ZDHHC14: variants seen among roughly 807,000 people sequenced by gnomAD.
ZDHHC14 encodes the protein zDHHC palmitoyltransferase 14.
Under a neutral mutation model 47.7 loss-of-function variants are expected in ZDHHC14, and 16 were observed. The observed-to-expected ratio is 0.34, with a 90% CI of 0.23 to 0.51. The LOEUF is 0.51. ZDHHC14 is among the 20% of genes least tolerant of loss of function. The probability of loss-of-function intolerance (pLI) is 0.97; values close to 1 mark genes in which losing one functional copy is unlikely to be tolerated. For synonymous variants in ZDHHC14, 293 were observed against 278.9 expected (o/e 1.05, Z -0.50); for missense variants, 515 against 662.5 (o/e 0.78, Z 2.44).
At chr6:157,384,668 A>G (rs1194685502) in intron 1 of ZDHHC14, among the ~76,000 whole-genome samples, 11 of 152,230 alleles carry the variant, frequency 7.2e-5, no homozygotes, top group Non-Finnish European at 5.9e-5. Context: ...CGAGCTACAG[A>G]ATATTATGGT....
Position 157,675,176 on chromosome 6 carries a change from C to T in ZDHHC14, c.*2054C>T, listed in dbSNP as rs1778950648. On this transcript the variant is annotated 3_prime_UTR_variant, in exon 9 of 9. Coordinates refer to ENST00000359775, the MANE Select transcript of ZDHHC14 (RefSeq NM_024630.3). Reference sequence around the variant, plus strand: ...GCTCCATGGGTGACCGCGAATCCGGCTTAGCCCTCACTCCGGTCCCACGTG... The same window carrying T: ...GCTCCATGGGTGACCGCGAATCCGGTTTAGCCCTCACTCCGGTCCCACGTG... 6.6e-6 allele frequency: 1 copy of T among 152,240 alleles called. No homozygotes were observed. Among genetic ancestry groups the T allele is most frequent in the African/African-American group, 2.4e-5 (1 of 41,446 alleles). The allele number at this position is 152,240 out of a possible 1,614,324, so 9.4% of individuals were successfully genotyped here.
In ZDHHC14 at chr6:157,677,884, A is replaced by C. The variant is rs1004030914; in HGVS notation, c.*4762A>C. ...AAAAAAAAACGGTTGAAGCCTTGCTAACTTTTTCCCAGAGCATTCTGGGTT... is the reference window on the plus strand; with the variant it reads ...AAAAAAAAACGGTTGAAGCCTTGCTCACTTTTTCCCAGAGCATTCTGGGTT... On this transcript the variant is annotated 3_prime_UTR_variant, in exon 9 of 9. Coordinates refer to ENST00000359775, the MANE Select transcript of ZDHHC14 (RefSeq NM_024630.3). 2.6e-5 allele frequency: 4 copies of C among 151,244 alleles called. No individual in the cohort carries two copies. The highest frequency in any genetic ancestry group is 9.7e-5 in the African/African-American group (4 of 41,200). 9.4% of individuals were successfully genotyped at this position (151,244 alleles called of 1,614,324 possible).
intron 1 of ZDHHC14, among the ~76,000 whole-genome samples, chr6:157,495,763 G>T (rs1780048911): frequency 6.9e-6 from 1 of 145,346 alleles, no homozygotes; most frequent in African/African-American, 2.5e-5. Context: ...GGAGTGCAGT[G>T]GTGTAATCTC....
chr6:157,568,235 T>A (rs1284549464), intron 2 of ZDHHC14, among the ~76,000 whole-genome samples: 2 of 152,172 alleles, frequency 1.3e-5, no homozygotes, highest in Non-Finnish European at 2.9e-5. Context: ...TTTTTCTCAC[T>A]ACAAAGTAAT....
chr6:157,483,562 C>A (rs1452052375), intron 1 of ZDHHC14, among the ~76,000 whole-genome samples: 2 of 152,190 alleles, frequency 1.3e-5, no homozygotes, highest in Non-Finnish European at 2.9e-5. Flanking sequence ...TGATGATGGG[C>A]CTTGCTGAGA....
intron 3 of ZDHHC14, among the ~76,000 whole-genome samples, chr6:157,623,214 A>G (rs1432529379): frequency 6.6e-6 from 1 of 152,098 alleles, no homozygotes; most frequent in African/African-American, 2.4e-5. Flanking sequence ...TGTAGTTCCC[A>G]TAATCCCCAT....
intron 1 of ZDHHC14, among the ~76,000 whole-genome samples, chr6:157,512,208 C>A (rs1409192631): frequency 6.6e-6 from 1 of 152,168 alleles, no homozygotes; most frequent in Non-Finnish European, 1.5e-5. Context: ...AGTCACATGG[C>A]AAGTAAGTGT....
chr6:157,542,701 C>T lies in ZDHHC14; in HGVS notation c.362C>T (p.Pro121Leu). 1 of 1,613,874 alleles carries T rather than the reference C, an allele frequency of 6.2e-7. No homozygotes were observed. Among genetic ancestry groups the T allele is most frequent in the Non-Finnish European group, 8.5e-7 (1 of 1,179,976 alleles). The change falls in exon 2 of 9, where the codon CCA becomes CTA. Residue 121 changes from proline to leucine, a missense_variant. Around this residue, in one of 4 missense-constraint regions of ZDHHC14, gnomAD observed 229 missense variants for 351.5 expected, o/e 0.65. Transcript: ENST00000359775. ...RTSFSDPGVL[P>L]RATPDEAADL... ...AGCTTCAGCGACCCCGGAGTCCTCCCACGAGCCACGCCTGATGAAGCCGCC... is the reference window on the plus strand; with the variant it reads ...AGCTTCAGCGACCCCGGAGTCCTCCTACGAGCCACGCCTGATGAAGCCGCC...
Position 157,547,436 on chromosome 6 carries a change from C to T in ZDHHC14, c.406+4691C>T, listed in dbSNP as rs547908375. Among the ~76,000 whole-genome samples, 45 of 151,964 alleles carry T rather than the reference C, an allele frequency of 3.0e-4. 1 individual carries two copies. Among genetic ancestry groups the T allele is most frequent in the Non-Finnish European group, 5.9e-5 (4 of 67,998 alleles). The stretch of plus-strand genomic sequence containing the variant: ...TGGATTTGTCAGGGACACAGTTCCA[C>T]CCCATCCTAGACAGAGCATCCCCTG... On this transcript the variant is annotated intron_variant, in intron 2 of 8. Coordinates refer to ENST00000359775, the MANE Select transcript of ZDHHC14 (RefSeq NM_024630.3).
intron 1 of ZDHHC14, among the ~76,000 whole-genome samples, chr6:157,390,557 G>T (rs1304955870): frequency 6.6e-6 from 1 of 151,684 alleles, no homozygotes; most frequent in Non-Finnish European, 1.5e-5. Flanking sequence ...ATACTTTTTA[G>T]ATACTTTATT....
intron 1 of ZDHHC14, among the ~76,000 whole-genome samples, chr6:157,428,650 G>A (rs1460968611): frequency 1.2e-4 from 2 of 17,368 alleles, no homozygotes; most frequent in African/African-American, 2.3e-4. Context: ...CCTAGCCCCC[G>A]AGCACAGGTG....
intron 3 of ZDHHC14, among the ~76,000 whole-genome samples, chr6:157,606,703 T>C (rs1011749381): frequency 1.3e-5 from 2 of 152,162 alleles, no homozygotes; most frequent in Non-Finnish European, 2.9e-5. Flanking sequence ...TGGGACCCCG[T>C]CACCTCCCAG....
chr6:157,668,904 A>G (rs1010516700), intron 8 of ZDHHC14, among the ~76,000 whole-genome samples: 2 of 152,194 alleles, frequency 1.3e-5, no homozygotes, highest in African/African-American at 2.4e-5. Flanking sequence ...AAGCACCAGT[A>G]GGTATGTGCT....
At chr6:157,519,730 C>T (rs1447729257) in intron 1 of ZDHHC14, among the ~76,000 whole-genome samples, 1 of 152,182 alleles carries the variant, frequency 6.6e-6, no homozygotes, top group South Asian at 2.1e-4. Context: ...CTCTGCAAAA[C>T]GAAAGGATTC....
At chr6:157,433,338 G>A (rs1483520945) in intron 1 of ZDHHC14, among the ~76,000 whole-genome samples, 2 of 152,162 alleles carry the variant, frequency 1.3e-5, no homozygotes, top group Non-Finnish European at 2.9e-5. Context: ...ATCGAAAGAA[G>A]GGTAGTTTAA....
intron 1 of ZDHHC14, among the ~76,000 whole-genome samples, chr6:157,508,052 C>G (rs1234632719): frequency 2.0e-5 from 3 of 152,194 alleles, no homozygotes; most frequent in Non-Finnish European, 4.4e-5. Flanking sequence ...TCCACATTTT[C>G]TATTCAGAAG....
At chr6:157,626,644 C>A (rs1785433435) in intron 3 of ZDHHC14, among the ~76,000 whole-genome samples, 1 of 152,102 alleles carries the variant, frequency 6.6e-6, no homozygotes, top group African/African-American at 2.4e-5. Flanking sequence ...ATAAATTTGG[C>A]AGGATTGATG....
chr6:157,618,617 C>T (rs542969787), intron 3 of ZDHHC14, among the ~76,000 whole-genome samples: 52 of 152,264 alleles, frequency 3.4e-4, no homozygotes, highest in South Asian at 1.9e-3. Flanking sequence ...CCCCCGCGCC[C>T]GGCCACATGA....
chr6:157,535,841 C>T (rs1415062605), intron 1 of ZDHHC14, among the ~76,000 whole-genome samples: 1 of 152,140 alleles, frequency 6.6e-6, no homozygotes, highest in Non-Finnish European at 1.5e-5. Context: ...CCAAGTAATG[C>T]GCTCATCTTT....
Sources: allele counts gnomAD v4.1 joint callset (sites outside exome capture counted in the v4.1 genomes callset), GRCh38; gene constraint gnomAD v4.1.1; regional missense constraint gnomAD v4.1.1; transcripts MANE v1.5; gene names NCBI Gene and HGNC (gene_info 2026-07-23, HGNC 2026-07-21).